The following VCAN variants were observed in gnomAD, a reference collection of about 807,000 sequenced individuals.
VCAN encodes versican, also known as versican core protein.
VCAN carries 44 observed loss-of-function variants against 245.5 expected under a neutral mutation model. The observed-to-expected ratio is 0.18, with a 90% CI of 0.14 to 0.23. The LOEUF (loss-of-function observed/expected upper bound fraction) is 0.23, where lower values mean the gene tolerates loss of function less well. Among genes scored for constraint, VCAN ranks in the 10% least tolerant of loss-of-function variants. The pLI, the probability that VCAN is intolerant of heterozygous loss-of-function variation, is 1.00. For synonymous variants in VCAN, 1,413 were observed against 1,437.0 expected (o/e 0.98, Z 0.38); for missense variants, 3,793 against 4,057.9 (o/e 0.93, Z 1.77).
intron 7 of VCAN, among the ~76,000 whole-genome samples, chr5:83,529,577 A>G (rs941855749): frequency 6.6e-6 from 1 of 152,120 alleles, no homozygotes; most frequent in Non-Finnish European, 1.5e-5. Context: ...GGATTTTTGT[A>G]TCCTCCTAGA....
intron 12 of VCAN, among the ~76,000 whole-genome samples, chr5:83,572,165 T>A (rs191916247): frequency 1.0e-3 from 158 of 152,298 alleles, no homozygotes; most frequent in African/African-American, 3.6e-3. Context: ...AAATCTAGAA[T>A]AACTAGGCCA....
intron 13 of VCAN, among the ~76,000 whole-genome samples, chr5:83,577,862 T>C (rs1222190903): frequency 6.6e-6 from 1 of 152,298 alleles, no homozygotes; most frequent in East Asian, 1.9e-4. Context: ...CTGGTCTATT[T>C]TCCTGTCCTT....
chr5:83,527,784 A>G (rs1746357090), intron 7 of VCAN, among the ~76,000 whole-genome samples: 1 of 152,222 alleles, frequency 6.6e-6, no homozygotes, highest in Non-Finnish European at 1.5e-5. Context: ...AAAAGTTGAG[A>G]TTTAACAATA....
Position 83,520,797 on chromosome 5 carries a change from C to T in VCAN, c.2491C>T (p.Leu831Phe). 1 of 1,614,108 alleles carries T rather than the reference C, an allele frequency of 6.2e-7. No individual in the cohort carries two copies. Among genetic ancestry groups the T allele is most frequent in the East Asian group, 2.2e-5 (1 of 44,882 alleles). The change falls in exon 7 of 15, where the codon CTC becomes TTC. Residue 831 changes from leucine to phenylalanine, a missense_variant. By Grantham distance (22) the Leu-to-Phe change is conservative. This residue lies in a region of VCAN where 3,182 missense variants were observed against 3,250.3 expected (regional missense o/e 0.98). Coordinates refer to ENST00000265077, the MANE Select transcript of VCAN (RefSeq NM_004385.5). ...CTCTTCAAAATTGCCCCCTGCCTTA[C>T]TCACAACTGTGGGGATGAATGGAAA... The part of the protein sequence containing the change: ...SASSKLPPAL[L>F]TTVGMNGKDK...
intron 7 of VCAN, chr5:83,536,806 T>C (rs1746728452): frequency 2.0e-6 from 1 of 489,824 alleles, no homozygotes; most frequent in African/African-American, 1.9e-5. Flanking sequence ...TAATGTTAAA[T>C]TGAATTCATT....
At chr5:83,528,751 G>A (rs892431085) in intron 7 of VCAN, among the ~76,000 whole-genome samples, 2 of 152,034 alleles carry the variant, frequency 1.3e-5, no homozygotes, top group Non-Finnish European at 2.9e-5. Flanking sequence ...TGATTTAAAG[G>A]TTTATGACAT....
Position 83,541,411 on chromosome 5 carries a change from A to G in VCAN, c.8408A>G (p.Asn2803Ser), listed in dbSNP as rs1433895246. Residue 2803 changes from asparagine to serine, a missense_variant, in exon 8 of 15, where the codon AAT becomes AGT. Around this residue, in one of 5 missense-constraint regions of VCAN, gnomAD observed 3,182 missense variants for 3,250.3 expected, o/e 0.98. Coordinates refer to ENST00000265077, the MANE Select transcript of VCAN (RefSeq NM_004385.5). ...TEVPDVMEGSNPPYYTDTTLA... is the reference protein window; with the variant it reads ...TEVPDVMEGSSPPYYTDTTLA... ...GTGCCTGATGTGATGGAAGGATCCA[A>G]TCCCCCATATTACACTGATACAACA... is the stretch of plus-strand genomic sequence containing the variant. 20 of 1,613,912 alleles carry G rather than the reference A, an allele frequency of 1.2e-5. No individual in the cohort carries two copies. In the East Asian group the frequency reaches 1.3e-4, roughly 11 times the overall value.
intron 13 of VCAN, among the ~76,000 whole-genome samples, chr5:83,577,313 A>G (rs1748522478): frequency 6.6e-6 from 1 of 152,164 alleles, no homozygotes; most frequent in Non-Finnish European, 1.5e-5. Flanking sequence ...GTGGAAAAAC[A>G]CTGATTTGTT....
Position 83,553,650 on chromosome 5 carries a change from G to A in VCAN, c.9652+128G>A, listed in dbSNP as rs115210448. ...ACAACTTATCAAATCCCTCATCTGT[G>A]AATTACTTAAAATCATCTCACCTAT... is the stretch of plus-strand genomic sequence containing the variant. On this transcript the variant is annotated intron_variant, in intron 11 of 14. Coordinates refer to ENST00000265077, the MANE Select transcript of VCAN (RefSeq NM_004385.5). The A allele has an allele frequency of 1.4e-5, 18 of 1,275,134 alleles. No homozygotes were observed. In the South Asian group the frequency reaches 1.8e-4, roughly 13 times the overall value. 79.0% of individuals were successfully genotyped at this position (1,275,134 alleles called of 1,614,324 possible).
intron 1 of VCAN, among the ~76,000 whole-genome samples, chr5:83,477,953 T>C (rs1022233623): frequency 1.6e-5 from 2 of 122,136 alleles, no homozygotes; most frequent in African/African-American, 3.3e-5. Context: ...ATTTTTTTCT[T>C]TTTTTTTTTT....
intron 13 of VCAN, among the ~76,000 whole-genome samples, chr5:83,579,245 GT>G (rs1748578920): frequency 8.9e-6 from 1 of 112,500 alleles, no homozygotes; most frequent in East Asian, 2.7e-4. Context: ...TTGTTTGTTT[GT>G]TTGTTTGTTT....
intron 12 of VCAN, among the ~76,000 whole-genome samples, chr5:83,563,346 A>G (rs1747945441): frequency 6.6e-6 from 1 of 152,156 alleles, no homozygotes. Flanking sequence ...AACAAGACAA[A>G]GTTAAATGCA....
chr5:83,522,037 C>A lies in VCAN; in HGVS notation c.3731C>A (p.Thr1244Lys). The change falls in exon 7 of 15, where the codon ACA (threonine) becomes AAA (lysine). Residue 1244 changes from threonine to lysine, a missense_variant. By Grantham distance (78) the Thr-to-Lys change is moderately conservative. Around this residue, in one of 5 missense-constraint regions of VCAN, gnomAD observed 3,182 missense variants for 3,250.3 expected, o/e 0.98. Transcript: ENST00000265077. ...ATCGACAGGGAACCTGGTGAAGAAA[C>A]AACCAGTGACATGGTAATCATTGGA... is the stretch of plus-strand genomic sequence containing the variant. ...PLIDREPGEE[T>K]TSDMVIIGES... 1.2e-6 allele frequency: 2 copies of A among 1,614,186 alleles called. No individual in the cohort carries two copies. The highest frequency in any genetic ancestry group is 1.7e-6 in the Non-Finnish European group (2 of 1,180,036).
At position 83,519,999 on chromosome 5, in the gene VCAN, G is replaced by A; in HGVS notation, c.1693G>A (p.Gly565Arg). The A allele has an allele frequency of 6.2e-7, 1 of 1,614,066 alleles. No homozygotes were observed. The highest frequency in any genetic ancestry group is 1.1e-5 in the South Asian group (1 of 91,070). Residue 565 changes from glycine to arginine, a missense_variant, in exon 7 of 15, where the codon GGA becomes AGA. This residue lies in a region of VCAN where 3,182 missense variants were observed against 3,250.3 expected (regional missense o/e 0.98). Coordinates refer to ENST00000265077, the MANE Select transcript of VCAN (RefSeq NM_004385.5). ...TGATGAAGACAGAACACTTACAGTT[G>A]GATCTGATGAGAGCACCTTGATCTT... is the stretch of plus-strand genomic sequence containing the variant. ...EDDEDRTLTV[G>R]SDESTLIFDQ...
At chr5:83,475,772 C>T (rs1744366305) in intron 1 of VCAN, among the ~76,000 whole-genome samples, 1 of 152,176 alleles carries the variant, frequency 6.6e-6, no homozygotes, top group East Asian at 1.9e-4. Flanking sequence ...GTCCACAGTC[C>T]TTAATCTTCT....
At chr5:83,564,608 C>T (rs160281) in intron 12 of VCAN, among the ~76,000 whole-genome samples, 37,588 of 151,770 alleles carry the variant, frequency 0.25, 5,317 homozygotes, top group Non-Finnish European at 0.33. Context: ...AATAGTAGAA[C>T]GCTGGAGAAA....
intron 7 of VCAN, among the ~76,000 whole-genome samples, chr5:83,527,610 C>G (rs1746351903): frequency 6.6e-6 from 1 of 152,126 alleles, no homozygotes; most frequent in Non-Finnish European, 1.5e-5. Flanking sequence ...CCAAAGATTA[C>G]CTTTTCAAAA....
chr5:83,579,131 A>G (rs919005640), intron 13 of VCAN, among the ~76,000 whole-genome samples: 1 of 152,208 alleles, frequency 6.6e-6, no homozygotes, highest in Non-Finnish European at 1.5e-5. Flanking sequence ...AATACAGAAG[A>G]CAAAAAAGAG....
Position 83,513,762 on chromosome 5 carries a change from C to A in VCAN, c.1042+1366C>A, listed in dbSNP as rs563890219. 3.9e-5 allele frequency among the ~76,000 whole-genome samples: 6 copies of A among 152,244 alleles called. 1 individual carries two copies. In the South Asian group the frequency reaches 1.2e-3, roughly 32 times the overall value. ...TACATTCCTTTAAGCTACATTGTCACAACAATGATTTTTCAAGTACTTCAG... is the reference window on the plus strand; with the variant it reads ...TACATTCCTTTAAGCTACATTGTCAAAACAATGATTTTTCAAGTACTTCAG... On this transcript the variant is annotated intron_variant, in intron 6 of 14. Transcript: ENST00000265077.
Sources: allele counts gnomAD v4.1 joint callset (sites outside exome capture counted in the v4.1 genomes callset), GRCh38; gene constraint gnomAD v4.1.1; regional missense constraint gnomAD v4.1.1; transcripts MANE v1.5; gene names NCBI Gene and HGNC (gene_info 2026-07-23, HGNC 2026-07-21).